The following WNT7B variants were observed in gnomAD, a reference collection of about 807,000 sequenced individuals.
The protein encoded by WNT7B is protein Wnt-7b.
In WNT7B, 19 loss-of-function variants were observed where a neutral mutation model predicts 38.2. That is an observed-to-expected ratio of 0.50 (90% CI 0.35 to 0.73). The LOEUF (loss-of-function observed/expected upper bound fraction) is 0.73. WNT7B is among the 30% of genes least tolerant of loss of function. The pLI is 0.01. For synonymous variants in WNT7B, 243 were observed against 209.3 expected, an observed-to-expected ratio of 1.16 and a Z score of -1.39; for missense variants, 423 against 507.9, an observed-to-expected ratio of 0.83 and a Z score of 1.61.
At chr22:45,948,982 G>A (rs1931863675) in intron 2 of WNT7B, among the ~76,000 whole-genome samples, 1 of 151,872 alleles carries the variant, frequency 6.6e-6, no homozygotes, top group African/African-American at 2.4e-5. Context: ...CCAAGTAGCT[G>A]GGATTGTCTG....
intron 3 of WNT7B, chr22:45,925,516 C>A (rs1931055814): frequency 1.7e-5 from 17 of 985,118 alleles, no homozygotes; most frequent in African/African-American, 3.5e-5. Context: ...TGGGCCAGAG[C>A]CTGGACTGCG....
intron 1 of WNT7B, among the ~76,000 whole-genome samples, chr22:45,953,283 C>T (rs1035630580): frequency 2.0e-5 from 3 of 147,912 alleles, no homozygotes; most frequent in Admixed American, 6.8e-5. Context: ...ACCGTGTCCT[C>T]GGCTTCCTCT....
intron 2 of WNT7B, among the ~76,000 whole-genome samples, chr22:45,939,105 C>T (rs2146721347): frequency 6.6e-6 from 1 of 152,294 alleles, no homozygotes; most frequent in South Asian, 2.1e-4. Flanking sequence ...ACTGACAATA[C>T]CAAGTGTTGG....
chr22:45,949,828 G>A, intron 2 of WNT7B, 92 bp downstream of exon 2: 1 of 1,293,490 alleles, frequency 7.7e-7, no homozygotes, highest in East Asian at 2.5e-5. Context: ...GATGTGTGCA[G>A]AACAGCGGCC....
intron 3 of WNT7B, 31 bp downstream of exon 3, chr22:45,931,067 A>G: frequency 6.5e-7 from 1 of 1,536,340 alleles, no homozygotes. Flanking sequence ...GGTCCCAGCT[A>G]CGGCCCCCAC....
At chr22:45,939,653 A>T (rs866834577) in intron 2 of WNT7B, among the ~76,000 whole-genome samples, 13 of 151,120 alleles carry the variant, frequency 8.6e-5, no homozygotes, top group South Asian at 2.1e-4. Flanking sequence ...ACACACTCAC[A>T]CACACACACA....
rs1278557127 is a variant in WNT7B, at chr22:45,966,439, G to A, written c.71+10245C>T. Among the ~76,000 whole-genome samples the A allele has an allele frequency of 2.6e-5, 4 of 152,216 alleles. No individual in the cohort carries two copies. Among genetic ancestry groups the A allele is most frequent in the African/African-American group, 9.7e-5 (4 of 41,444 alleles). ...CTGGCCCATTCAGAGCTCCAACAGG[G>A]CACGGAAGGGTTGGAGCAGGGATCA... is the stretch of plus-strand genomic sequence containing the variant. On this transcript the variant is annotated intron_variant, in intron 1 of 3. Transcript: ENST00000339464. The surrounding 1 kb of genome is among the most constrained non-coding windows in gnomAD (Gnocchi z 4.2).
At position 45,922,974 on chromosome 22, in the gene WNT7B, C is replaced by T. The variant is rs1425045513; in HGVS notation, c.932G>A (p.Arg311Gln). 1.2e-6 allele frequency: 2 copies of T among 1,613,324 alleles called. No homozygotes were observed. Among genetic ancestry groups the T allele is most frequent in the Non-Finnish European group, 1.7e-6 (2 of 1,179,858 alleles). The change falls in exon 4 of 4, where the codon CGA (arginine) becomes CAA (glutamine). Residue 311 changes from arginine (R) to glutamine (Q), a missense_variant. Arg to Gln is a conservative substitution (Grantham distance 43). Coordinates refer to ENST00000339464, the MANE Select transcript of WNT7B (RefSeq NM_058238.3). ...ADGCDTMCCG[R>Q]GYNTHQYTKV... ...GGTGTACTGGTGGGTGTTGTAGCCT[C>T]GGCCGCAGCACATGGTGTCACAGCC...
chr22:45,932,526 G>A (rs1339758600), intron 2 of WNT7B, among the ~76,000 whole-genome samples: 1 of 152,204 alleles, frequency 6.6e-6, no homozygotes, highest in Non-Finnish European at 1.5e-5. Flanking sequence ...CTTCCATATG[G>A]GTCCGAAGAC....
At chr22:45,960,289 C>T (rs375741607) in intron 1 of WNT7B, among the ~76,000 whole-genome samples, 122 of 152,282 alleles carry the variant, frequency 8.0e-4, no homozygotes, top group African/African-American at 2.8e-3. Context: ...ACTGCAGAGA[C>T]CCCTCCTTGG....
chr22:45,927,611 C>G, intron 3 of WNT7B: 2 of 891,528 alleles, frequency 2.2e-6, no homozygotes, highest in East Asian at 2.6e-5. Flanking sequence ...AGAGATGGAA[C>G]AGGGCCAGGT....
Position 45,942,004 on chromosome 22 carries a change from G to A in WNT7B, c.298+7916C>T, listed in dbSNP as rs900362561. Among the ~76,000 whole-genome samples, 5 of 152,204 alleles carry A rather than the reference G, an allele frequency of 3.3e-5. No individual in the cohort carries two copies. The East Asian group carries it at 5.8e-4, about 18-fold the overall frequency. ...GGCTGGGGAGGGGTCCCTGGGACAC[G>A]GCTGGCTGGGGAGCTCCTTGGTTTT... On this transcript the variant is annotated intron_variant, in intron 2 of 3. Transcript: ENST00000339464.
At chr22:45,952,069 C>T (rs919977433) in intron 1 of WNT7B, among the ~76,000 whole-genome samples, 9 of 152,230 alleles carry the variant, frequency 5.9e-5, no homozygotes, top group Admixed American at 2.6e-4. Context: ...TTCAGCACAG[C>T]GCTTGGCTTC....
At chr22:45,947,500 G>C (rs1931824618) in intron 2 of WNT7B, among the ~76,000 whole-genome samples, 1 of 152,250 alleles carries the variant, frequency 6.6e-6, no homozygotes, top group Non-Finnish European at 1.5e-5. Flanking sequence ...CGGGTGCTGA[G>C]TGTGTCAGGC....
intron 3 of WNT7B, chr22:45,926,420 C>T (rs1205137968): frequency 1.0e-6 from 1 of 985,270 alleles, no homozygotes; most frequent in African/African-American, 1.7e-5. Context: ...GAGGGGGCTC[C>T]AGGAAAGGGC....
chr22:45,954,546 C>A (rs1932016777), intron 1 of WNT7B: 1 of 982,996 alleles, frequency 1.0e-6, no homozygotes, highest in Non-Finnish European at 1.2e-6. Flanking sequence ...CCTTCTTGCA[C>A]GCTTATCCGG....
Position 45,922,824 on chromosome 22 carries a change from C to CAGGGTG in WNT7B, c.*26_*31dup, listed in dbSNP as rs778823832. 6.4e-7 allele frequency: 1 copy of CAGGGTG among 1,569,538 alleles called. No homozygotes were observed. The highest frequency in any genetic ancestry group is 2.3e-5 in the East Asian group (1 of 44,290). ...GGATGTGCAAAATGCCGCCGGGTTC[C>CAGGGTG]AGGGTGCCCGCGGCCGCCTCCGGGC... On this transcript the variant is annotated 3_prime_UTR_variant, in exon 4 of 4. Transcript: ENST00000339464.
intron 3 of WNT7B, chr22:45,925,153 G>T (rs1270362436): frequency 1.0e-6 from 1 of 974,236 alleles, no homozygotes; most frequent in East Asian, 1.2e-4. Context: ...GTGCTGGGTG[G>T]GCCCAAAGGC....
rs146470240 is a variant in WNT7B at position 45,931,218 on chromosome 22, G to C, written c.450C>G (p.Gly150=). ...YYNQAEGWKW[G]GCSADVRYGI... The stretch of plus-strand genomic sequence containing the variant: ...CGTAACGCACGTCGGCCGAGCAGCC[G>C]CCCCACTTCCAGCCCTCGGCTTGGT... The change falls in exon 3 of 4, where the codon GGC becomes GGG. Residue 150 remains glycine, a synonymous_variant. Coordinates refer to ENST00000339464, the MANE Select transcript of WNT7B (RefSeq NM_058238.3). 143 of 1,599,346 alleles carry C rather than the reference G, an allele frequency of 8.9e-5. No individual in the cohort carries two copies. The highest frequency in any genetic ancestry group is 1.2e-4 in the Non-Finnish European group (140 of 1,179,814).
Sources: gnomAD v4.1 joint callset for allele counts (sites outside exome capture counted in the v4.1 genomes callset) on GRCh38, gnomAD v4.1.1 for gene constraint, Gnocchi (gnomAD v3.1) non-coding constraint, MANE v1.5 for transcripts, NCBI Gene and HGNC (gene_info 2026-07-23, HGNC 2026-07-21) for gene names.